The following NDRG1 variants were observed in gnomAD, a reference collection of about 807,000 sequenced individuals.
NDRG1 encodes the protein protein NDRG1.
A neutral mutation model predicts 56.9 loss-of-function variants in NDRG1; 32 were observed. The ratio of observed to expected loss-of-function variants is 0.56; its 90% CI spans 0.42 to 0.76. The LOEUF (loss-of-function observed/expected upper bound fraction) is 0.76, where lower values mean the gene tolerates loss of function less well. Ranked by LOEUF, NDRG1 falls within the 30% of genes least tolerant of loss-of-function variation. The pLI, the probability that NDRG1 is intolerant of heterozygous loss-of-function variation, is 0.00. For synonymous variants in NDRG1, 211 were observed against 204.1 expected, an observed-to-expected ratio of 1.03 and a Z score of -0.29; for missense variants, 507 against 545.7, an observed-to-expected ratio of 0.93 and a Z score of 0.71.
intron 1 of NDRG1, among the ~76,000 whole-genome samples, chr8:133,290,445 C>T (rs71526282): frequency 0.031 from 4,743 of 152,184 alleles, 109 homozygotes; most frequent in African/African-American, 0.051. Flanking sequence ...ATTTAACAGA[C>T]GGGGAAACTG....
At chr8:133,296,359 A>C (rs1476716184) in intron 1 of NDRG1, 1 of 413,008 alleles carries the variant, frequency 2.4e-6, no homozygotes, top group Non-Finnish European at 5.0e-6. Flanking sequence ...CGCCCAGGTC[A>C]CTTCTCCCAC....
chr8:133,287,476 C>G (rs1290342006), intron 1 of NDRG1, among the ~76,000 whole-genome samples: 1 of 152,246 alleles, frequency 6.6e-6, no homozygotes, highest in Non-Finnish European at 1.5e-5. Flanking sequence ...CATGAGCAAA[C>G]AGACCCAGTT....
intron 3 of NDRG1, among the ~76,000 whole-genome samples, chr8:133,269,967 G>T (rs1417756138): frequency 2.6e-5 from 4 of 152,216 alleles, no homozygotes. Flanking sequence ...AAACACCTCA[G>T]CACAGACATG....
intron 1 of NDRG1, chr8:133,284,770 A>G: frequency 4.4e-6 from 2 of 458,242 alleles, no homozygotes; most frequent in South Asian, 3.1e-5. Flanking sequence ...GTATAGGCAT[A>G]GTGCAAGCTT....
intron 1 of NDRG1, among the ~76,000 whole-genome samples, chr8:133,293,047 T>G (rs1485971907): frequency 6.6e-6 from 1 of 152,194 alleles, no homozygotes; most frequent in Non-Finnish European, 1.5e-5. Context: ...TCTGTAGTGC[T>G]GGGGCTTACG....
At chr8:133,257,883 T>A (rs62514047) in intron 7 of NDRG1, among the ~76,000 whole-genome samples, 17,884 of 152,170 alleles carry the variant, frequency 0.12, 1,219 homozygotes, top group South Asian at 0.19. Flanking sequence ...CCAATGGATG[T>A]ACAAAATGAG....
chr8:133,238,814 G>A lies in NDRG1; in HGVS notation c.*64C>T. ...CAGTATGGCAGGCAGGGGGCGAAAA[G>A]GGGCCGGGGAGGAGGGGGCCACTAC... On this transcript the variant is annotated 3_prime_UTR_variant, in exon 16 of 16. Transcript: ENST00000323851. The A allele has an allele frequency of 6.6e-7, 1 of 1,510,566 alleles. No homozygotes were observed. Among genetic ancestry groups the A allele is most frequent in the Non-Finnish European group, 8.8e-7 (1 of 1,131,862 alleles). 93.6% of individuals were successfully genotyped at this position (1,510,566 alleles called of 1,614,324 possible). A position where few individuals can be genotyped will look rare whatever the true frequency, so the allele number is the denominator to read the frequency against.
intron 9 of NDRG1, 82 bp downstream of exon 9, chr8:133,254,457 C>A (rs1037000686): frequency 5.7e-5 from 84 of 1,471,822 alleles, no homozygotes; most frequent in Non-Finnish European, 7.4e-5. Flanking sequence ...GTTCTCTCCA[C>A]CCCCACATGG....
intron 3 of NDRG1, among the ~76,000 whole-genome samples, chr8:133,270,043 G>A (rs1857115280): frequency 6.6e-6 from 1 of 152,184 alleles, no homozygotes; most frequent in Non-Finnish European, 1.5e-5. Context: ...TCTCTTCTTT[G>A]CAGCACGACC....
chr8:133,258,664 C>T (rs185260290), intron 6 of NDRG1, among the ~76,000 whole-genome samples: 47 of 152,356 alleles, frequency 3.1e-4, no homozygotes, highest in African/African-American at 1.0e-3. Context: ...CTCTGAGAGA[C>T]CGTCTGACAT....
chr8:133,294,183 G>GA (rs1331670428), intron 1 of NDRG1, among the ~76,000 whole-genome samples: 1 of 151,652 alleles, frequency 6.6e-6, no homozygotes. Flanking sequence ...TGTTGTCATG[G>GA]AAAAAAAACA....
At position 133,262,113 on chromosome 8, in the gene NDRG1, T is replaced by G. The variant is rs1350908820; in HGVS notation, c.260A>C (p.Gln87Pro). The G allele has an allele frequency of 1.2e-6, 2 of 1,614,138 alleles. No homozygotes were observed. The highest frequency in any genetic ancestry group is 1.7e-6 in the Non-Finnish European group (2 of 1,180,030). The change falls in exon 5 of 16, where the codon CAG becomes CCG. Residue 87 changes from glutamine to proline, a missense_variant. By Grantham distance (76) the Gln-to-Pro change is moderately conservative (BLOSUM62 -1). Coordinates refer to ENST00000323851, the MANE Select transcript of NDRG1 (RefSeq NM_006096.4). ...FNYEDMQEITQHFAVCHVDAP... is the reference protein window; with the variant it reads ...FNYEDMQEITPHFAVCHVDAP... ...GTCCACGTGGCAGACGGCAAAGTGC[T>G]GGGTGATCTCCTGCATGTCCTCGTA...
At chr8:133,256,426 T>C (rs1856373336) in intron 8 of NDRG1, among the ~76,000 whole-genome samples, 1 of 152,176 alleles carries the variant, frequency 6.6e-6, no homozygotes, top group Non-Finnish European at 1.5e-5. Flanking sequence ...TCTCAAGAAG[T>C]CTTGTTCTTC....
intron 13 of NDRG1, among the ~76,000 whole-genome samples, chr8:133,244,912 G>A (rs1487115542): frequency 2.6e-5 from 4 of 152,180 alleles, no homozygotes; most frequent in African/African-American, 7.2e-5. Context: ...TCACCGAACC[G>A]CAAGAGGCCA....
Position 133,248,609 on chromosome 8 carries a change from C to T in NDRG1, c.755+106G>A, listed in dbSNP as rs1008660939. 1.7e-5 allele frequency: 23 copies of T among 1,330,370 alleles called. No individual in the cohort carries two copies. The African/African-American group carries it at 2.3e-4, about 13-fold the overall frequency. The allele number at this position is 1,330,370 out of a possible 1,614,324, so 82.4% of individuals were successfully genotyped here. On this transcript the variant is annotated intron_variant, in intron 11 of 15. Transcript: ENST00000323851. Reference sequence around the variant, plus strand: ...CTGGGTGGAATATATCCAGGTCTCACTGACACAATGTCCTGCCACACTCAG... The same window carrying T: ...CTGGGTGGAATATATCCAGGTCTCATTGACACAATGTCCTGCCACACTCAG...
intron 5 of NDRG1, 34 bp from the exon 6 acceptor site, chr8:133,259,264 C>A (rs1449721229): frequency 1.2e-6 from 2 of 1,605,202 alleles, no homozygotes; most frequent in Non-Finnish European, 1.7e-6. Context: ...TTAGTGAGCG[C>A]CCGGACAGAA....
At chr8:133,244,221 C>G in intron 14 of NDRG1, 134 bp downstream of exon 14, 1 of 1,156,222 alleles carries the variant, frequency 8.6e-7, no homozygotes, top group Non-Finnish European at 1.3e-6. Flanking sequence ...TATATAGCAC[C>G]TTTTCCCAAC....
At chr8:133,284,432 C>A in intron 1 of NDRG1, 103 bp from the exon 2 acceptor site, 4 of 1,008,942 alleles carry the variant, frequency 4.0e-6, no homozygotes, top group Non-Finnish European at 6.2e-6. Context: ...CTGCGCTCTG[C>A]CCAGCAGCTT....
intron 7 of NDRG1, 27 bp downstream of exon 7, chr8:133,258,339 A>C: frequency 6.2e-7 from 1 of 1,601,772 alleles, no homozygotes; most frequent in East Asian, 2.2e-5. Context: ...TTAAAATGCG[A>C]TTTTCAAAAA....
Sources: allele counts gnomAD v4.1 joint callset (sites outside exome capture counted in the v4.1 genomes callset), GRCh38; gene constraint gnomAD v4.1.1; transcripts MANE v1.5; gene names NCBI Gene and HGNC (gene_info 2026-07-23, HGNC 2026-07-21).